Variants in CNTNAP2 observed in about 807,000 individuals in gnomAD.
The protein encoded by CNTNAP2 is contactin associated protein 2.
Under a neutral mutation model 155.2 loss-of-function variants are expected in CNTNAP2, and 98 were observed. The observed-to-expected ratio is 0.63, with a 90% CI of 0.54 to 0.75. CNTNAP2 has a LOEUF of 0.75. Among genes scored for constraint, CNTNAP2 ranks in the 30% least tolerant of loss-of-function variants. The probability of loss-of-function intolerance (pLI) is 0.00; values close to 1 mark genes in which losing one functional copy is unlikely to be tolerated. For missense variants in CNTNAP2, 1,727 were observed against 1,688.1 expected, an observed-to-expected ratio of 1.02 and a Z score of -0.40; for synonymous variants, 651 against 631.2, an observed-to-expected ratio of 1.03 and a Z score of -0.47.
intron 13 of CNTNAP2, among the ~76,000 whole-genome samples, chr7:147,863,973 T>A (rs2116690407): frequency 6.6e-6 from 1 of 152,284 alleles, no homozygotes; most frequent in African/African-American, 2.4e-5. Context: ...TGCCATTGCT[T>A]TTGGTGTTTT....
At chr7:147,462,490 C>G (rs974126103) in intron 10 of CNTNAP2, among the ~76,000 whole-genome samples, 11 of 152,184 alleles carry the variant, frequency 7.2e-5, no homozygotes, top group African/African-American at 2.7e-4. Flanking sequence ...CTTATACAGT[C>G]AATTTCATGT....
intron 22 of CNTNAP2, among the ~76,000 whole-genome samples, chr7:148,401,932 C>G (rs924036936): frequency 2.6e-5 from 4 of 152,122 alleles, no homozygotes; most frequent in Non-Finnish European, 5.9e-5. Flanking sequence ...ACCTCTTTAT[C>G]GTTAATCAGA....
At chr7:146,684,667 G>C (rs1006650322) in intron 1 of CNTNAP2, among the ~76,000 whole-genome samples, 1 of 98,658 alleles carries the variant, frequency 1.0e-5, no homozygotes, top group African/African-American at 3.1e-5. Context: ...AAAGCTGGAG[G>C]ATTTAGCTCT....
intron 1 of CNTNAP2, among the ~76,000 whole-genome samples, chr7:146,490,394 G>A (rs1797121081): frequency 6.6e-6 from 1 of 152,140 alleles, no homozygotes; most frequent in Non-Finnish European, 1.5e-5. Context: ...GTATTGGTAA[G>A]TTGTAAAATA....
intron 1 of CNTNAP2, among the ~76,000 whole-genome samples, chr7:146,280,071 A>G (rs1800226371): frequency 6.6e-6 from 1 of 152,070 alleles, no homozygotes; most frequent in Non-Finnish European, 1.5e-5. Context: ...TAACGGTAGG[A>G]TTTTTACTGT....
intron 12 of CNTNAP2, among the ~76,000 whole-genome samples, chr7:147,630,149 C>A (rs1795058337): frequency 1.3e-5 from 2 of 151,390 alleles, no homozygotes; most frequent in Non-Finnish European, 2.9e-5. Flanking sequence ...ACAACCAATA[C>A]CACAGAAATA....
At chr7:147,655,048 G>A (rs1417310200) in intron 13 of CNTNAP2, among the ~76,000 whole-genome samples, 1 of 151,768 alleles carries the variant, frequency 6.6e-6, no homozygotes, top group Non-Finnish European at 1.5e-5. Flanking sequence ...TCTGACCTCA[G>A]GTGATCCACC....
At chr7:147,595,932 C>G (rs1006787968) in intron 12 of CNTNAP2, among the ~76,000 whole-genome samples, 25 of 152,190 alleles carry the variant, frequency 1.6e-4, no homozygotes, top group African/African-American at 5.8e-4. Flanking sequence ...GCTTTCTTCT[C>G]TTTGCTTGAC....
At chr7:146,836,553 G>T (rs1294024765) in intron 2 of CNTNAP2, among the ~76,000 whole-genome samples, 2 of 152,088 alleles carry the variant, frequency 1.3e-5, no homozygotes, top group Non-Finnish European at 2.9e-5. Context: ...TTCCTGTCCA[G>T]ACTCCTATCC....
intron 15 of CNTNAP2, among the ~76,000 whole-genome samples, chr7:148,001,822 T>A (rs1302016496): frequency 1.3e-5 from 2 of 152,254 alleles, no homozygotes; most frequent in Non-Finnish European, 2.9e-5. Context: ...TTTTCTGGTC[T>A]ATTTTTTTCA....
chr7:146,636,598 A>G (rs562302908), intron 1 of CNTNAP2, among the ~76,000 whole-genome samples: 1 of 152,338 alleles, frequency 6.6e-6, no homozygotes, highest in East Asian at 1.9e-4. Flanking sequence ...GATACTAATT[A>G]CCTTCTCATA....
At chr7:147,724,520 C>T (rs528112127) in intron 13 of CNTNAP2, among the ~76,000 whole-genome samples, 26 of 152,066 alleles carry the variant, frequency 1.7e-4, no homozygotes, top group South Asian at 1.2e-3. Context: ...CTTTAAGTGA[C>T]AGCTAGATTC....
At chr7:148,268,563 G>A (rs1001024276) in intron 21 of CNTNAP2, among the ~76,000 whole-genome samples, 1 of 152,176 alleles carries the variant, frequency 6.6e-6, no homozygotes, top group East Asian at 1.9e-4. Flanking sequence ...GCTGAGGCAG[G>A]AGAATGGCGT....
intron 10 of CNTNAP2, among the ~76,000 whole-genome samples, chr7:147,455,141 G>C (rs1797898972): frequency 6.6e-6 from 1 of 152,016 alleles, no homozygotes; most frequent in South Asian, 2.1e-4. Context: ...AAAGTAGAAG[G>C]AATTTAATAT....
chr7:146,544,090 C>A (rs1017928601), intron 1 of CNTNAP2, among the ~76,000 whole-genome samples: 3 of 151,916 alleles, frequency 2.0e-5, no homozygotes, highest in African/African-American at 7.2e-5. Context: ...AAATTACTTG[C>A]TAATAATTAA....
chr7:147,063,283 T>A (rs1438071590), intron 4 of CNTNAP2, among the ~76,000 whole-genome samples: 1 of 152,208 alleles, frequency 6.6e-6, no homozygotes, highest in Non-Finnish European at 1.5e-5. Flanking sequence ...TTGCCTTGCA[T>A]GTAATAGATA....
chr7:147,449,510 T>C (rs890743826), intron 10 of CNTNAP2, among the ~76,000 whole-genome samples: 1 of 152,194 alleles, frequency 6.6e-6, no homozygotes, highest in Non-Finnish European at 1.5e-5. Context: ...TAAGATATTA[T>C]CCAGCTAAAA....
chr7:147,334,379 A>G (rs1456716444), intron 9 of CNTNAP2, among the ~76,000 whole-genome samples: 1 of 152,200 alleles, frequency 6.6e-6, no homozygotes, highest in African/African-American at 2.4e-5. Context: ...AAAATAACCA[A>G]TAACTGTTGA....
intron 3 of CNTNAP2, among the ~76,000 whole-genome samples, chr7:146,907,053 C>T (rs139289551): frequency 3.3e-4 from 49 of 149,716 alleles, no homozygotes; most frequent in Middle Eastern, 3.4e-3. Context: ...AGGGTATCAG[C>T]GATGGAAGAT....
Sources: gnomAD v4.1 joint callset for allele counts (sites outside exome capture counted in the v4.1 genomes callset) on GRCh38, gnomAD v4.1.1 for gene constraint, MANE v1.5 for transcripts, NCBI Gene and HGNC (gene_info 2026-07-23, HGNC 2026-07-21) for gene names.